Variants in CYP4F11 observed in about 807,000 individuals in gnomAD.
CYP4F11 encodes cytochrome P450 family 4 subfamily F member 11.
CYP4F11 carries 79 observed loss-of-function variants against 62.2 expected under a neutral mutation model. The ratio of observed to expected loss-of-function variants is 1.27; its 90% CI spans 1.06 to 1.53. The LOEUF (loss-of-function observed/expected upper bound fraction) is 1.53, where lower values mean the gene tolerates loss of function less well. Among genes scored for constraint, CYP4F11 ranks in the 40% most tolerant of loss-of-function variants. The pLI, the probability that CYP4F11 is intolerant of heterozygous loss-of-function variation, is 0.00. For missense variants in CYP4F11, 777 were observed against 680.5 expected (o/e 1.14, Z -1.58); for synonymous variants, 290 against 263.7 (o/e 1.10, Z -0.97).
chr19:15,919,513 TA>T (rs1170195189), intron 8 of CYP4F11, among the ~76,000 whole-genome samples: 2 of 149,472 alleles, frequency 1.3e-5, no homozygotes, highest in African/African-American at 5.0e-5. Context: ...GATAGATAGA[TA>T]GATAGATAGA....
chr19:15,934,528 C>G lies in CYP4F11; in HGVS notation c.-120G>C. 1 of 1,201,434 alleles carries G rather than the reference C, an allele frequency of 8.3e-7. No homozygotes were observed. The highest frequency in any genetic ancestry group is 1.1e-6 in the Non-Finnish European group (1 of 878,448). 74.4% of individuals were successfully genotyped at this position (1,201,434 alleles called of 1,614,324 possible). ...TGCTGGAGGCAGATCAGGGAAGGCT[C>G]TGAGATGGGTAAACAAGAGCTGAGA... On this transcript the variant is annotated 5_prime_UTR_variant, in exon 1 of 12. Coordinates refer to ENST00000402119, the MANE Select transcript of CYP4F11 (RefSeq NM_021187.4).
chr19:15,918,623 T>C (rs1322567394), intron 8 of CYP4F11, among the ~76,000 whole-genome samples: 1 of 152,166 alleles, frequency 6.6e-6, no homozygotes. Flanking sequence ...AAATAAGCAA[T>C]GGTCACTGTA....
At position 15,912,776 on chromosome 19, in the gene CYP4F11, T is replaced by C. The variant is rs2089546774; in HGVS notation, c.*956A>G. 1 of 40,128 alleles carries C rather than the reference T, an allele frequency of 2.5e-5. No individual in the cohort carries two copies. The highest frequency in any genetic ancestry group is 5.7e-5 in the Non-Finnish European group (1 of 17,696). The allele number at this position is 40,128 out of a possible 1,614,324, so 2.5% of individuals were successfully genotyped here. ...GTGTGTGTGTGTGTGTGTGTGTATATATATATATATATAATATATATATAT... is the reference window on the plus strand; with the variant it reads ...GTGTGTGTGTGTGTGTGTGTGTATACATATATATATATAATATATATATAT... On this transcript the variant is annotated 3_prime_UTR_variant, in exon 12 of 12. Coordinates refer to ENST00000402119, the MANE Select transcript of CYP4F11 (RefSeq NM_021187.4).
intron 1 of CYP4F11, 22 bp downstream of exon 1, chr19:15,934,189 C>G (rs768839660): frequency 6.2e-7 from 1 of 1,612,712 alleles, no homozygotes; most frequent in South Asian, 1.1e-5. Context: ...AGACCCCAGA[C>G]CCGTCCTGCT....
intron 6 of CYP4F11, among the ~76,000 whole-genome samples, chr19:15,922,882 CG>C (rs1349240309): frequency 7.4e-6 from 1 of 135,350 alleles, no homozygotes; most frequent in African/African-American, 2.5e-5. Flanking sequence ...GGAGAAACCC[CG>C]TCCCTACTAA....
chr19:15,924,710 T>C lies in CYP4F11; in HGVS notation c.647+51A>G, dbSNP rs569331775. On this transcript the variant is annotated intron_variant, in intron 5 of 11. Coordinates refer to ENST00000402119, the MANE Select transcript of CYP4F11 (RefSeq NM_021187.4). Reference sequence around the variant, plus strand: ...CCCGGTCAGCCATCCTTTTCCAGCCTACTCCCTTGGGTTCCAGGCCCAAGT... The same window carrying C: ...CCCGGTCAGCCATCCTTTTCCAGCCCACTCCCTTGGGTTCCAGGCCCAAGT... The C allele has an allele frequency of 4.4e-6, 7 of 1,588,342 alleles. No homozygotes were observed. In the South Asian group the frequency reaches 7.7e-5, roughly 18 times the overall value.
At chr19:15,931,574 G>C (rs912804454) in intron 1 of CYP4F11, among the ~76,000 whole-genome samples, 2 of 126,728 alleles carry the variant, frequency 1.6e-5, no homozygotes, top group Non-Finnish European at 1.7e-5. Context: ...GGAGAGGAAT[G>C]AGTGAGCGAG....
At chr19:15,927,068 T>A in intron 4 of CYP4F11, 144 bp downstream of exon 4, 1 of 942,444 alleles carries the variant, frequency 1.1e-6, no homozygotes, top group Non-Finnish European at 1.6e-6. Context: ...GTAGAGATTG[T>A]TATTCCCATT....
rs755586727 is a variant in CYP4F11, at chr19:15,923,924, G to T, written c.806C>A (p.Ala269Asp). Residue 269 changes from alanine to aspartate, a missense_variant, in exon 6 of 12, where the codon GCC (alanine) becomes GAC (aspartate). Physicochemically the swap from Ala to Asp is moderately radical, Grantham distance 126 (BLOSUM62 -2). Coordinates refer to ENST00000402119, the MANE Select transcript of CYP4F11 (RefSeq NM_021187.4). ...ACHLVHDFTD[A>D]VIQERRCTLP... Reference sequence around the variant, plus strand: ...GGTGCAGCGCCGCTCCTGGATGACGGCATCTGTGAAGTCGTGCACCAGGTG... The same window carrying T: ...GGTGCAGCGCCGCTCCTGGATGACGTCATCTGTGAAGTCGTGCACCAGGTG... 6.2e-7 allele frequency: 1 copy of T among 1,614,164 alleles called. No homozygotes were observed. The highest frequency in any genetic ancestry group is 1.7e-5 in the Admixed American group (1 of 60,016).
At chr19:15,922,753 A>G (rs992068281) in intron 6 of CYP4F11, among the ~76,000 whole-genome samples, 1 of 152,188 alleles carries the variant, frequency 6.6e-6, no homozygotes, top group African/African-American at 2.4e-5. Flanking sequence ...TTTCACTTGG[A>G]GGTTAGAAAT....
rs1407884824 is a variant in CYP4F11 at position 15,922,071 on chromosome 19, G to A, written c.1081C>T (p.Leu361Phe). ...TCTATAGGTTCACGGTCCTTCAGAAGCTCTTGCACTTCTTGCCGGCACTGT... is the reference window on the plus strand; with the variant it reads ...TCTATAGGTTCACGGTCCTTCAGAAACTCTTGCACTTCTTGCCGGCACTGT... ...QEQCRQEVQE[L>F]LKDREPIEIE... The change falls in exon 8 of 12, where the codon CTT (leucine) becomes TTT (phenylalanine). Residue 361 changes from leucine to phenylalanine, a missense_variant. Transcript: ENST00000402119. 6 of 1,613,678 alleles carry A rather than the reference G, an allele frequency of 3.7e-6. No individual in the cohort carries two copies. In the South Asian group the frequency reaches 6.6e-5, roughly 18 times the overall value.
rs755533563 is a variant in CYP4F11, at chr19:15,929,527, C to G, written c.273G>C (p.Trp91Cys). Residue 91 changes from tryptophan (W) to cysteine (C), a missense_variant, in exon 2 of 12, where the codon TGG (tryptophan) becomes TGC (cysteine). Transcript: ENST00000402119. ...VTTYPQGFKL[W>C]LGPTFPLLIL... ...TGAGGAGGGGGAAGGTAGGACCCAGCCACAACTTAAAGCCCTGGGGATATG... is the reference window on the plus strand; with the variant it reads ...TGAGGAGGGGGAAGGTAGGACCCAGGCACAACTTAAAGCCCTGGGGATATG... The G allele has an allele frequency of 1.9e-6, 3 of 1,614,062 alleles. No individual in the cohort carries two copies. The African/African-American group carries it at 4.0e-5, about 22-fold the overall frequency.
Position 15,927,196 on chromosome 19 carries a change from A to G in CYP4F11, c.525+16T>C, listed in dbSNP as rs2089675287. 6.2e-7 allele frequency: 1 copy of G among 1,611,798 alleles called. No homozygotes were observed. The highest frequency in any genetic ancestry group is 2.2e-5 in the East Asian group (1 of 44,870). On this transcript the variant is annotated intron_variant, in intron 4 of 11. Transcript: ENST00000402119. ...CCCCAAGGCTCCAGCTGGGACCCAG[A>G]GTTCAAGGGACTCACGTGCATGATG...
chr19:15,921,093 T>C (rs9676816), intron 8 of CYP4F11, among the ~76,000 whole-genome samples: 32 of 46,232 alleles, frequency 6.9e-4, no homozygotes, highest in South Asian at 3.6e-3. Flanking sequence ...TCTCTCTCTC[T>C]CTCTCTCTCT....
chr19:15,931,723 A>G (rs371494402), intron 1 of CYP4F11, among the ~76,000 whole-genome samples: 81 of 40,210 alleles, frequency 2.0e-3, no homozygotes, highest in East Asian at 6.5e-3. Context: ...TGAGTGAGCG[A>G]GGAGAGGAAT....
At position 15,922,152 on chromosome 19, in the gene CYP4F11, C is replaced by T. The variant is rs1317645273; in HGVS notation, c.1000G>A (p.Ala334Thr). 1.2e-6 allele frequency: 2 copies of T among 1,612,426 alleles called. No individual in the cohort carries two copies. The highest frequency in any genetic ancestry group is 4.5e-5 in the East Asian group (2 of 44,888). The change falls in exon 8 of 12, where the codon GCC becomes ACC. Residue 334 changes from alanine (A) to threonine (T), a missense_variant. Coordinates refer to ENST00000402119, the MANE Select transcript of CYP4F11 (RefSeq NM_021187.4). ...TFMFEGHDTT[A>T]SGLSWVLYHL... is the part of the protein sequence containing the mutation. ...TATAGGACCCAGGAGAGACCACTGG[C>T]TGTAGTGTCATGGCCTGAGGGGCAG...
Position 15,913,819 on chromosome 19 carries a change from A to C in CYP4F11, c.1488T>G (p.Thr496=). The C allele has an allele frequency of 3.7e-6, 6 of 1,614,158 alleles. No individual in the cohort carries two copies. In the Admixed American group the frequency reaches 8.3e-5, roughly 22 times the overall value. ...TCAGCTCGGGTTTCCTGCGGGGTTC[A>C]GTGTGGGTCGGCAGGATGCGGAAGT... The part of the protein sequence containing the change: ...LLHFRILPTH[T]EPRRKPELIL... The change falls in exon 12 of 12, where the codon ACT becomes ACG. Residue 496 remains threonine, a synonymous_variant. Coordinates refer to ENST00000402119, the MANE Select transcript of CYP4F11 (RefSeq NM_021187.4).
intron 11 of CYP4F11, 53 bp downstream of exon 11, chr19:15,914,252 T>C (rs1599369196): frequency 1.9e-6 from 3 of 1,570,914 alleles, no homozygotes; most frequent in Non-Finnish European, 2.6e-6. Flanking sequence ...TCCCCCTTTT[T>C]GGACCCCTGC....
intron 2 of CYP4F11, 93 bp from the exon 3 acceptor site, chr19:15,927,576 C>T (rs2145053088): frequency 6.5e-7 from 1 of 1,527,482 alleles, no homozygotes; most frequent in South Asian, 1.2e-5. Flanking sequence ...GTGTGCACTT[C>T]CACGCATCCC....
Sources: gnomAD v4.1 joint callset for allele counts (sites outside exome capture counted in the v4.1 genomes callset) on GRCh38, gnomAD v4.1.1 for gene constraint, MANE v1.5 for transcripts, NCBI Gene and HGNC (gene_info 2026-07-23, HGNC 2026-07-21) for gene names.